RGS7: variants seen among roughly 807,000 people sequenced by gnomAD.
RGS7 encodes the protein regulator of G protein signaling 7.
RGS7 carries 27 observed loss-of-function variants against 81.1 expected under a neutral mutation model. The ratio of observed to expected loss-of-function variants is 0.33; its 90% CI spans 0.25 to 0.46. The LOEUF (loss-of-function observed/expected upper bound fraction) is 0.46. Ranked by LOEUF, RGS7 falls within the 20% of genes least tolerant of loss-of-function variation. RGS7 has a pLI of 1.00. For synonymous variants in RGS7, 208 were observed against 207.7 expected (o/e 1.00, Z -0.01); for missense variants, 396 against 607.4 (o/e 0.65, Z 3.66).
intron 2 of RGS7, among the ~76,000 whole-genome samples, chr1:241,166,835 G>A (rs2070291638): frequency 6.6e-6 from 1 of 152,098 alleles, no homozygotes; most frequent in Non-Finnish European, 1.5e-5. Context: ...TGAGACAGAG[G>A]GCACAAAGAG....
intron 4 of RGS7, among the ~76,000 whole-genome samples, chr1:240,958,126 C>T (rs1168560770): frequency 6.6e-6 from 1 of 152,142 alleles, no homozygotes; most frequent in South Asian, 2.1e-4. Context: ...AGCCTCAGGC[C>T]GGAGAAGGAT....
At chr1:240,929,872 T>C (rs187803964) in intron 6 of RGS7, among the ~76,000 whole-genome samples, 1 of 152,336 alleles carries the variant, frequency 6.6e-6, no homozygotes, top group East Asian at 1.9e-4. Context: ...TATATCACTC[T>C]CCTATTCACT....
intron 2 of RGS7, among the ~76,000 whole-genome samples, chr1:241,168,972 T>C (rs1249307573): frequency 6.6e-6 from 1 of 152,150 alleles, no homozygotes; most frequent in Non-Finnish European, 1.5e-5. Context: ...AGCCTTCACA[T>C]AAGAATGCCA....
At chr1:241,237,769 G>A (rs1192039985) in intron 2 of RGS7, among the ~76,000 whole-genome samples, 1 of 152,122 alleles carries the variant, frequency 6.6e-6, no homozygotes, top group Admixed American at 6.5e-5. Flanking sequence ...TCGAGGAAAG[G>A]TTAGGACAGG....
At chr1:241,189,167 T>G (rs1429339864) in intron 2 of RGS7, among the ~76,000 whole-genome samples, 5 of 152,184 alleles carry the variant, frequency 3.3e-5, no homozygotes, top group Non-Finnish European at 7.4e-5. Flanking sequence ...TATTTTTTTG[T>G]ACAGACAAGA....
At chr1:240,894,471 T>G (rs1322867130) in intron 6 of RGS7, among the ~76,000 whole-genome samples, 5 of 152,162 alleles carry the variant, frequency 3.3e-5, no homozygotes, top group African/African-American at 1.2e-4. Context: ...TTAACCTCTC[T>G]TCCATATTTT....
At chr1:240,911,957 C>T (rs1053811732) in intron 6 of RGS7, among the ~76,000 whole-genome samples, 4 of 148,932 alleles carry the variant, frequency 2.7e-5, no homozygotes, top group African/African-American at 9.9e-5. Flanking sequence ...CTGGCTAACA[C>T]GGTGAAACCT....
At chr1:241,343,176 G>A (rs2148706908) in intron 2 of RGS7, among the ~76,000 whole-genome samples, 1 of 151,976 alleles carries the variant, frequency 6.6e-6, no homozygotes, top group South Asian at 2.1e-4. Flanking sequence ...GCAGGAGAAT[G>A]GCGTGAACCC....
intron 2 of RGS7, among the ~76,000 whole-genome samples, chr1:241,180,384 CAA>C (rs577581245): frequency 6.6e-6 from 1 of 151,298 alleles, no homozygotes; most frequent in Non-Finnish European, 1.5e-5. Context: ...CAAAAAAAAC[CAA>C]AAAAACAAAA....
chr1:240,779,099 T>TGTG (rs1683500909), intron 18 of RGS7, among the ~76,000 whole-genome samples: 41 of 144,300 alleles, frequency 2.8e-4, no homozygotes, highest in African/African-American at 1.0e-3. Flanking sequence ...TTAGTGTTCT[T>TGTG]TGTGTGTGTG....
At chr1:240,803,072 A>T in intron 15 of RGS7, 79 bp from the exon 16 acceptor site, 1 of 985,060 alleles carries the variant, frequency 1.0e-6, no homozygotes, top group South Asian at 1.3e-5. Flanking sequence ...CACATGGCTA[A>T]AGAACAAATC....
intron 6 of RGS7, among the ~76,000 whole-genome samples, chr1:240,912,587 G>A (rs1220766850): frequency 1.3e-5 from 2 of 152,064 alleles, no homozygotes; most frequent in Non-Finnish European, 2.9e-5. Context: ...CTAAAGACTT[G>A]TAAAGGCTTC....
intron 14 of RGS7, among the ~76,000 whole-genome samples, chr1:240,809,084 G>C (rs1382274557): frequency 1.3e-5 from 2 of 151,870 alleles, no homozygotes; most frequent in Admixed American, 1.3e-4. Context: ...TATATAGAAG[G>C]CACTGAAAAG....
chr1:240,808,952 G>T (rs1216624260), intron 14 of RGS7, among the ~76,000 whole-genome samples: 2 of 151,494 alleles, frequency 1.3e-5, no homozygotes, highest in African/African-American at 4.8e-5. Context: ...TTTGATTCTT[G>T]ATTTCCTCAT....
At chr1:241,320,077 C>G (rs1009113180) in intron 2 of RGS7, among the ~76,000 whole-genome samples, 49 of 152,182 alleles carry the variant, frequency 3.2e-4, no homozygotes, top group African/African-American at 1.1e-3. Context: ...GGCAACAGAG[C>G]GAGACTCCAC....
intron 3 of RGS7, among the ~76,000 whole-genome samples, chr1:241,009,603 C>T (rs2058852149): frequency 6.6e-6 from 1 of 152,080 alleles, no homozygotes; most frequent in Non-Finnish European, 1.5e-5. Flanking sequence ...TAGGAGGTAC[C>T]ATTCAGATTT....
chr1:241,172,284 A>G (rs6667767), intron 2 of RGS7, among the ~76,000 whole-genome samples: 24,694 of 152,152 alleles, frequency 0.16, 2,872 homozygotes, highest in African/African-American at 0.32. Flanking sequence ...TCTTGGCATC[A>G]CTGATTATGC....
intron 3 of RGS7, among the ~76,000 whole-genome samples, chr1:241,089,708 G>A (rs948853029): frequency 6.6e-6 from 1 of 152,000 alleles, no homozygotes; most frequent in Non-Finnish European, 1.5e-5. Flanking sequence ...TCTGTCTTTT[G>A]TTATCGTAAT....
At chr1:240,973,598 C>CT (rs1683600678) in intron 4 of RGS7, among the ~76,000 whole-genome samples, 2 of 151,826 alleles carry the variant, frequency 1.3e-5, no homozygotes, top group African/African-American at 2.4e-5. Flanking sequence ...CAGAGACATT[C>CT]TTTTTTTTGG....
Sources: gnomAD v4.1 joint callset for allele counts (sites outside exome capture counted in the v4.1 genomes callset) on GRCh38, gnomAD v4.1.1 for gene constraint, MANE v1.5 for transcripts, NCBI Gene and HGNC (gene_info 2026-07-23, HGNC 2026-07-21) for gene names.